The following SPPL3 variants were observed in gnomAD, a reference collection of about 807,000 sequenced individuals.
The protein encoded by SPPL3 is signal peptide peptidase like 3.
SPPL3 carries 5 observed loss-of-function variants against 42.4 expected under a neutral mutation model. The ratio of observed to expected loss-of-function variants is 0.12; its 90% confidence interval spans 0.06 to 0.25. The LOEUF is 0.25. SPPL3 is among the 10% of genes least tolerant of loss of function. SPPL3 has a pLI of 1.00. For synonymous variants in SPPL3, 195 were observed against 181.8 expected (o/e 1.07, Z -0.58); for missense variants, 235 against 489.0 (o/e 0.48, Z 4.90).
At chr12:120,857,753 CG>C (rs1321248351) in intron 1 of SPPL3, among the ~76,000 whole-genome samples, 1 of 152,054 alleles carries the variant, frequency 6.6e-6, no homozygotes, top group Non-Finnish European at 1.5e-5. Context: ...CACTCATAAG[CG>C]GGAACTGAAC....
chr12:120,855,603 C>T (rs1872424687), intron 1 of SPPL3, among the ~76,000 whole-genome samples: 1 of 151,864 alleles, frequency 6.6e-6, no homozygotes, highest in Non-Finnish European at 1.5e-5. Context: ...GGGAGAATCG[C>T]TTGAACCCGG....
At chr12:120,781,437 A>C (rs1592958988) in intron 6 of SPPL3, among the ~76,000 whole-genome samples, 2 of 151,714 alleles carry the variant, frequency 1.3e-5, no homozygotes, top group Admixed American at 6.6e-5. Context: ...TGTATGATGT[A>C]TATCACGTAC....
chr12:120,876,371 T>A (rs1458889087), intron 1 of SPPL3, among the ~76,000 whole-genome samples: 2 of 151,852 alleles, frequency 1.3e-5, no homozygotes, highest in East Asian at 3.9e-4. Context: ...CTCAGCACTT[T>A]GGGAGGCTGA....
At chr12:120,812,221 G>A (rs575592118) in intron 1 of SPPL3, among the ~76,000 whole-genome samples, 2 of 151,018 alleles carry the variant, frequency 1.3e-5, no homozygotes, top group Admixed American at 6.6e-5. Flanking sequence ...TGCAACCTCC[G>A]CCTCCTGGGT....
intron 1 of SPPL3, among the ~76,000 whole-genome samples, chr12:120,883,026 C>T (rs934082197): frequency 6.6e-6 from 1 of 152,008 alleles, no homozygotes; most frequent in African/African-American, 2.4e-5. Context: ...TTCTAGAGGC[C>T]GGGCGTGGTG....
Position 120,764,911 on chromosome 12 carries a change from G to T in SPPL3, c.*88C>A. On this transcript the variant is annotated 3_prime_UTR_variant, in exon 11 of 11. Transcript: ENST00000353487. ...GTTCCTTAAACACAGGTACATTTCTGAGTACCAGGCCAGCTCTAAGAGGAA... is the reference window on the plus strand; with the variant it reads ...GTTCCTTAAACACAGGTACATTTCTTAGTACCAGGCCAGCTCTAAGAGGAA... 1 of 1,407,432 alleles carries T rather than the reference G, an allele frequency of 7.1e-7. No homozygotes were observed. 87.2% of individuals were successfully genotyped at this position (1,407,432 alleles called of 1,614,324 possible). A position where few individuals can be genotyped will look rare whatever the true frequency, so the allele number is the denominator to read the frequency against.
intron 1 of SPPL3, among the ~76,000 whole-genome samples, chr12:120,897,483 G>A (rs1873846043): frequency 6.6e-6 from 1 of 152,140 alleles, no homozygotes; most frequent in Non-Finnish European, 1.5e-5. Flanking sequence ...AAGCACTTTG[G>A]GAGGCTGAGG....
chr12:120,767,431 G>C lies in SPPL3; in HGVS notation c.936C>G (p.Val312=). The change falls in exon 9 of 11, where the codon GTC becomes GTG. Residue 312 remains valine, a synonymous_variant. Coordinates refer to ENST00000353487, the MANE Select transcript of SPPL3 (RefSeq NM_139015.5). ...PANISGRMQK[V]SYFHCTLIGY... is the part of the protein sequence containing the mutation. ...CGATGAGGGTGCAGTGAAAGTAGGA[G>C]ACCTTCTGCATGCGCCCGGAGATGT... 1 of 1,613,732 alleles carries C rather than the reference G, an allele frequency of 6.2e-7. No homozygotes were observed. The highest frequency in any genetic ancestry group is 8.5e-7 in the Non-Finnish European group (1 of 1,180,038).
chr12:120,876,616 CAAAAAAA>C (rs71076676), intron 1 of SPPL3, among the ~76,000 whole-genome samples: 5 of 51,238 alleles, frequency 9.8e-5, no homozygotes, highest in African/African-American at 3.3e-4. Context: ...GACTCTGTCT[CAAAAAAA>C]AAAAAAAAAA....
At chr12:120,794,207 G>C (rs998215394) in intron 2 of SPPL3, among the ~76,000 whole-genome samples, 8 of 152,022 alleles carry the variant, frequency 5.3e-5, no homozygotes, top group Non-Finnish European at 8.8e-5. Flanking sequence ...TATTAATACA[G>C]CCATTCCAGC....
At chr12:120,784,703 G>A (rs934915124) in intron 3 of SPPL3, 110 bp from the exon 4 acceptor site, 10 of 766,194 alleles carry the variant, frequency 1.3e-5, no homozygotes, top group African/African-American at 1.8e-5. Context: ...CGGATTATAC[G>A]TAGGACATGG....
chr12:120,901,948 T>C (rs1593019348), intron 1 of SPPL3: 1 of 985,366 alleles, frequency 1.0e-6, no homozygotes, highest in Non-Finnish European at 1.2e-6. Flanking sequence ...ATCCAGGGCC[T>C]CTGTACAGCA....
intron 1 of SPPL3, among the ~76,000 whole-genome samples, chr12:120,872,981 G>GA (rs1334179500): frequency 6.6e-6 from 1 of 152,060 alleles, no homozygotes; most frequent in East Asian, 1.9e-4. Context: ...ACGAAGAAGT[G>GA]AAAAAGACCC....
intron 1 of SPPL3, among the ~76,000 whole-genome samples, chr12:120,837,480 C>A (rs1014990702): frequency 6.6e-6 from 1 of 152,120 alleles, no homozygotes; most frequent in African/African-American, 2.4e-5. Context: ...AATCTTAGTT[C>A]TTCCTGAATC....
At chr12:120,891,044 T>C (rs1873624319) in intron 1 of SPPL3, among the ~76,000 whole-genome samples, 1 of 152,228 alleles carries the variant, frequency 6.6e-6, no homozygotes, top group African/African-American at 2.4e-5. Flanking sequence ...CTGGTTTAGC[T>C]GTCTACTTTC....
At chr12:120,795,554 A>C (rs1056473518) in intron 2 of SPPL3, among the ~76,000 whole-genome samples, 5 of 152,066 alleles carry the variant, frequency 3.3e-5, no homozygotes, top group African/African-American at 1.2e-4. Flanking sequence ...CGTTACATTG[A>C]CTTTTCACTT....
chr12:120,865,036 C>T (rs1248608092), intron 1 of SPPL3, among the ~76,000 whole-genome samples: 1 of 152,156 alleles, frequency 6.6e-6, no homozygotes, highest in Non-Finnish European at 1.5e-5. Flanking sequence ...GATAACTTCT[C>T]AGAAATACTA....
intron 1 of SPPL3, chr12:120,903,574 T>C: frequency 2.3e-6 from 1 of 436,932 alleles, no homozygotes; most frequent in South Asian, 3.2e-5. Flanking sequence ...CATGCTCCCC[T>C]TCTCCATCAC....
In SPPL3 at chr12:120,817,609, G is replaced by A. The variant is rs77621340; in HGVS notation, c.24-6723C>T. Reference sequence around the variant, plus strand: ...AACCCATGGGAAATTCTTCCCTAGGGTCTTTTTAAAAAATGTGGCCAGCCT... The same window carrying A: ...AACCCATGGGAAATTCTTCCCTAGGATCTTTTTAAAAAATGTGGCCAGCCT... On this transcript the variant is annotated intron_variant, in intron 1 of 10. Transcript: ENST00000353487. Among the ~76,000 whole-genome samples the A allele has an allele frequency of 2.7e-3, 418 of 152,208 alleles. 1 individual carries two copies. The highest frequency in any genetic ancestry group is 9.7e-3 in the African/African-American group (404 of 41,516).
Sources: gnomAD v4.1 joint callset for allele counts (sites outside exome capture counted in the v4.1 genomes callset) on GRCh38, gnomAD v4.1.1 for gene constraint, MANE v1.5 for transcripts, NCBI Gene and HGNC (gene_info 2026-07-23, HGNC 2026-07-21) for gene names.